The following NMNAT2 variants were observed in gnomAD, a reference collection of about 807,000 sequenced individuals.
NMNAT2 encodes nicotinamide nucleotide adenylyltransferase 2.
In NMNAT2, 11 loss-of-function variants were observed where a neutral mutation model predicts 41.6. The ratio of observed to expected loss-of-function variants is 0.26; its 90% CI spans 0.17 to 0.44. The LOEUF is 0.44. Ranked by LOEUF, NMNAT2 falls within the 20% of genes least tolerant of loss-of-function variation. The pLI is 1.00. For missense variants in NMNAT2, 288 were observed against 407.7 expected (o/e 0.71, Z 2.53); for synonymous variants, 148 against 151.2 (o/e 0.98, Z 0.16).
chr1:183,357,256 G>T (rs1663214107), intron 1 of NMNAT2, among the ~76,000 whole-genome samples: 1 of 117,496 alleles, frequency 8.5e-6, no homozygotes, highest in Non-Finnish European at 1.6e-5. Flanking sequence ...TTGAGAGGAA[G>T]TCTCGCTCTA....
intron 1 of NMNAT2, among the ~76,000 whole-genome samples, chr1:183,415,426 G>A (rs1649227822): frequency 6.6e-6 from 1 of 152,192 alleles, no homozygotes; most frequent in Non-Finnish European, 1.5e-5. Flanking sequence ...GCACATATAT[G>A]AATCTCACTT....
intron 1 of NMNAT2, among the ~76,000 whole-genome samples, chr1:183,403,375 A>T (rs1344696550): frequency 6.6e-6 from 1 of 152,202 alleles, no homozygotes; most frequent in Non-Finnish European, 1.5e-5. Flanking sequence ...ATGTAAAAGA[A>T]ATGTGTGTGT....
chr1:183,345,893 C>T (rs561540285), intron 1 of NMNAT2, among the ~76,000 whole-genome samples: 5 of 151,912 alleles, frequency 3.3e-5, no homozygotes, highest in African/African-American at 9.7e-5. Flanking sequence ...TCACCGTGTT[C>T]GCCAGGATGG....
At chr1:183,269,171 G>T (rs2102288687) in intron 8 of NMNAT2, among the ~76,000 whole-genome samples, 1 of 152,304 alleles carries the variant, frequency 6.6e-6, no homozygotes, top group East Asian at 1.9e-4. Context: ...GATACGAAGG[G>T]ATGGGCACAG....
chr1:183,342,958 C>T (rs1662851506), intron 1 of NMNAT2, among the ~76,000 whole-genome samples: 2 of 151,736 alleles, frequency 1.3e-5, no homozygotes, highest in African/African-American at 4.8e-5. Flanking sequence ...TGCTTTGTTA[C>T]CCAGGCTGGC....
intron 8 of NMNAT2, among the ~76,000 whole-genome samples, chr1:183,268,762 C>T (rs1235872395): frequency 6.6e-6 from 1 of 152,232 alleles, no homozygotes; most frequent in African/African-American, 2.4e-5. Context: ...AACATCATGG[C>T]AAGGTGTGAT....
chr1:183,293,723 G>A lies in NMNAT2; in HGVS notation c.156C>T (p.His52=), dbSNP rs201834345. The A allele has an allele frequency of 2.4e-5, 38 of 1,613,640 alleles. No homozygotes were observed. Among genetic ancestry groups the A allele is most frequent in the Non-Finnish European group, 3.0e-5 (35 of 1,179,526 alleles). Residue 52 remains histidine, a synonymous_variant, in exon 2 of 11, where the codon CAC becomes CAT. Coordinates refer to ENST00000287713, the MANE Select transcript of NMNAT2 (RefSeq NM_015039.4). ...AACCCACCTGTTTTCCATAGGAGTC[G>A]TGGACAGGGGAGACAATCCCGCCAA... ...IVIGGIVSPV[H]DSYGKQGLVS...
intron 10 of NMNAT2, 131 bp from the exon 11 acceptor site, chr1:183,252,874 GA>G: frequency 3.1e-6 from 2 of 655,076 alleles, no homozygotes; most frequent in Non-Finnish European, 5.4e-6. Context: ...TCTGTATTAG[GA>G]AAGGCCCTCT....
rs116655401 is a variant in NMNAT2 at position 183,371,094 on chromosome 1, A to T, written c.85+47089T>A. Among the ~76,000 whole-genome samples the T allele has an allele frequency of 7.7e-3, 1,172 of 152,326 alleles. 4 individuals are homozygous for T. The highest frequency in any genetic ancestry group is 0.017 in the Admixed American group (261 of 15,304). ...ACAGGAGAAAAAAAAGGCCAGGGGC[A>T]GGAGTGGTATATGCGGACAGACTGA... On this transcript the variant is annotated intron_variant, in intron 1 of 10. Transcript: ENST00000287713.
chr1:183,336,415 C>T (rs1662679051), intron 1 of NMNAT2, among the ~76,000 whole-genome samples: 1 of 152,074 alleles, frequency 6.6e-6, no homozygotes, highest in East Asian at 1.9e-4. Flanking sequence ...TGTGTTAAAA[C>T]CTTTTTATTT....
At position 183,415,964 on chromosome 1, in the gene NMNAT2, A is replaced by T. The variant is rs544400016; in HGVS notation, c.85+2219T>A. 2.2e-3 allele frequency among the ~76,000 whole-genome samples: 331 copies of T among 152,240 alleles called. 1 individual carries two copies. Among genetic ancestry groups the T allele is most frequent in the African/African-American group, 7.5e-3 (312 of 41,488 alleles). On this transcript the variant is annotated intron_variant, in intron 1 of 10. Coordinates refer to ENST00000287713, the MANE Select transcript of NMNAT2 (RefSeq NM_015039.4). Reference sequence around the variant, plus strand: ...CTCTCTGAATTATACTTTAATGGACATGCAAAGGACTTTGTTCACATTCTG... The same window carrying T: ...CTCTCTGAATTATACTTTAATGGACTTGCAAAGGACTTTGTTCACATTCTG...
chr1:183,290,073 C>T, intron 4 of NMNAT2, 55 bp downstream of exon 4: 2 of 1,426,814 alleles, frequency 1.4e-6, no homozygotes, highest in Non-Finnish European at 9.6e-7. Context: ...GGGTCCAGCC[C>T]CTTCCGCCCT....
intron 1 of NMNAT2, among the ~76,000 whole-genome samples, chr1:183,361,796 A>G (rs1663313255): frequency 6.6e-6 from 1 of 152,124 alleles, no homozygotes; most frequent in South Asian, 2.1e-4. Flanking sequence ...CCAAGCAAGC[A>G]TTGTGTCAGT....
chr1:183,389,816 G>GAAAGAAAGAAAGAAAT (rs1648404674), intron 1 of NMNAT2, among the ~76,000 whole-genome samples: 1 of 57,548 alleles, frequency 1.7e-5, no homozygotes, highest in Non-Finnish European at 3.4e-5. Flanking sequence ...AAGAAAGAAA[G>GAAAGAAAGAAAGAAAT]AAAGAAAGAA....
rs147110127 is a variant in NMNAT2, at chr1:183,297,311, T to G, written c.86-3518A>C. On this transcript the variant is annotated intron_variant, in intron 1 of 10. Coordinates refer to ENST00000287713, the MANE Select transcript of NMNAT2 (RefSeq NM_015039.4). ...AGTGCATAGCGCTAAGTGGTTTTAC[T>G]GGAGAATTCCACATAAAGAACTAAA... 2.0e-5 allele frequency among the ~76,000 whole-genome samples: 3 copies of G among 152,032 alleles called. No individual in the cohort carries two copies. In the East Asian group the frequency reaches 5.8e-4, roughly 29 times the overall value.
At chr1:183,364,009 T>C (rs1052986056) in intron 1 of NMNAT2, among the ~76,000 whole-genome samples, 26 of 152,262 alleles carry the variant, frequency 1.7e-4, no homozygotes, top group African/African-American at 6.3e-4. Context: ...TTCATCCTGC[T>C]ATCATGTGCT....
chr1:183,342,020 A>AC lies in NMNAT2; in HGVS notation c.86-48228dup, dbSNP rs1357116726. Among the ~76,000 whole-genome samples the AC allele has an allele frequency of 7.2e-5, 7 of 96,846 alleles. No homozygotes were observed. The South Asian group carries it at 1.1e-3, about 15-fold the overall frequency. The allele number at this position is 96,846 out of a possible 152,430, so 63.5% of individuals were successfully genotyped here. A position where few individuals can be genotyped will look rare whatever the true frequency, so the allele number is the denominator to read the frequency against. On this transcript the variant is annotated intron_variant, in intron 1 of 10. Transcript: ENST00000287713. ...GTGGTTGTCTTTATCTTCCTTCCTC[A>AC]CCTTTTTTTTTTTTTTTTTTTACCA...
In NMNAT2 at chr1:183,290,426, G is replaced by A. The variant is rs565773155; in HGVS notation, c.243-220C>T. On this transcript the variant is annotated intron_variant, in intron 3 of 10. Transcript: ENST00000287713. ...ATGGCATAGGCTTATGAGAAGAGAT[G>A]CTGGTGCCAGTCTGCCTGGGTTTAA... Among the ~76,000 whole-genome samples the A allele has an allele frequency of 4.6e-5, 7 of 152,308 alleles. No homozygotes were observed. In the East Asian group the frequency reaches 1.4e-3, roughly 29 times the overall value.
chr1:183,333,845 G>A (rs939136493), intron 1 of NMNAT2, among the ~76,000 whole-genome samples: 4 of 152,074 alleles, frequency 2.6e-5, no homozygotes, highest in African/African-American at 7.2e-5. Flanking sequence ...TCCCCCTCCT[G>A]ACTTATAAAT....
Sources: gnomAD v4.1 joint callset for allele counts (sites outside exome capture counted in the v4.1 genomes callset) on GRCh38, gnomAD v4.1.1 for gene constraint, MANE v1.5 for transcripts, NCBI Gene and HGNC (gene_info 2026-07-23, HGNC 2026-07-21) for gene names.